The following ITGB7 variants were observed in gnomAD, a reference collection of about 807,000 sequenced individuals.
ITGB7 encodes the protein integrin subunit beta 7.
Under a neutral mutation model 83.4 loss-of-function variants are expected in ITGB7, and 55 were observed. That is an observed-to-expected ratio of 0.66 (90% CI 0.53 to 0.83). The LOEUF (loss-of-function observed/expected upper bound fraction) is 0.83, where lower values mean the gene tolerates loss of function less well. Among genes scored for constraint, ITGB7 ranks in the 40% least tolerant of loss-of-function variants. The probability of loss-of-function intolerance (pLI) is 0.00; values close to 1 mark genes in which losing one functional copy is unlikely to be tolerated. For missense variants in ITGB7, 921 were observed against 1,046.7 expected (o/e 0.88, Z 1.66); for synonymous variants, 454 against 423.6 (o/e 1.07, Z -0.88).
chr12:53,191,710 G>A (rs1196429735), intron 15 of ITGB7, 74 bp from the exon 16 acceptor site: 11 of 1,531,750 alleles, frequency 7.2e-6, no homozygotes, highest in African/African-American at 1.4e-5. Flanking sequence ...TAAGAGGCCA[G>A]CCTTGAGCCG....
chr12:53,195,893 C>T lies in ITGB7; in HGVS notation c.975+148G>A, dbSNP rs567955502. 1,414 of 1,028,152 alleles carry T rather than the reference C, an allele frequency of 1.4e-3. 2 individuals are homozygous for T. The highest frequency in any genetic ancestry group is 1.8e-3 in the Non-Finnish European group (1,226 of 686,364). The allele number at this position is 1,028,152 out of a possible 1,614,324, so 63.7% of individuals were successfully genotyped here. On this transcript the variant is annotated intron_variant, in intron 7 of 15. Coordinates refer to ENST00000267082, the MANE Select transcript of ITGB7 (RefSeq NM_000889.3). ...ATGGGGTGACAAAGGTGTCCTGTCT[C>T]GGCAGCTGAAAGGAGGAACTGCTGG...
Position 53,197,503 on chromosome 12 carries a change from A to G in ITGB7, c.564T>C (p.Ser188=). Residue 188 remains serine, a synonymous_variant, in exon 5 of 16, where the codon TCT becomes TCC. Transcript: ENST00000267082. ...LLVRLQEVTH[S]VRIGFGSFVD... is the part of the protein sequence containing the mutation. ...CAGCGCTCGGCTCACCAATGCGCAC[A>G]GAATGGGTGACTTCCTGCAGCCGGA... 2 of 1,614,198 alleles carry G rather than the reference A, an allele frequency of 1.2e-6. No individual in the cohort carries two copies. The highest frequency in any genetic ancestry group is 1.7e-6 in the Non-Finnish European group (2 of 1,180,016).
Position 53,193,795 on chromosome 12 carries a change from G to A in ITGB7, c.1415C>T (p.Thr472Met), listed in dbSNP as rs771418109. ...GTCACTGCAATTACAGTCACACAGC[G>A]TGTGCAACTCCACAATCAGCTCCTC... Reference protein sequence around the residue: ...FSEELIVELHTLCDCNCSDTQ... With the variant: ...FSEELIVELHMLCDCNCSDTQ... Residue 472 changes from threonine (T) to methionine (M), a missense_variant, in exon 11 of 16, where the codon ACG (threonine) becomes ATG (methionine). By Grantham distance (81) the Thr-to-Met change is moderately conservative (BLOSUM62 -1). Transcript: ENST00000267082. The A allele has an allele frequency of 9.9e-6, 16 of 1,613,954 alleles. No homozygotes were observed. The highest frequency in any genetic ancestry group is 1.7e-5 in the Admixed American group (1 of 59,992).
In ITGB7 at chr12:53,197,931, C is replaced by T. The variant is rs1219702440; in HGVS notation, c.222G>A (p.Glu74=). 14 of 1,542,642 alleles carry T rather than the reference C, an allele frequency of 9.1e-6. No homozygotes were observed. Among genetic ancestry groups the T allele is most frequent in the East Asian group, 2.4e-5 (1 of 41,228 alleles). ...CKQLNFTASG[E]AEARRCARRE... ...GTCGGGCGCAGCGCCGCGCCTCCGC[C>T]TCTCCCGACGCGGTGAAGTTCTGCT... is the stretch of plus-strand genomic sequence containing the variant. Residue 74 remains glutamate (E), a synonymous_variant, in exon 4 of 16, where the codon GAG becomes GAA. Transcript: ENST00000267082.
intron 9 of ITGB7, chr12:53,194,969 C>T (rs776367387): frequency 1.0e-5 from 2 of 199,220 alleles, no homozygotes; most frequent in South Asian, 1.0e-4. Flanking sequence ...TGTTTGTTAT[C>T]TTTGTGACCT....
chr12:53,195,067 T>G, intron 9 of ITGB7: 1 of 334,944 alleles, frequency 3.0e-6, no homozygotes, highest in Non-Finnish European at 5.6e-6. Flanking sequence ...TTTGGCAGGG[T>G]TAAATGAAGT....
rs1395373079 is a variant in ITGB7, at chr12:53,197,311, C to T, written c.574+182G>A. 44 of 703,986 alleles carry T rather than the reference C, an allele frequency of 6.3e-5. No homozygotes were observed. The East Asian group carries it at 1.2e-3, about 19-fold the overall frequency. 43.6% of individuals were successfully genotyped at this position (703,986 alleles called of 1,614,324 possible). ...AACGGATAGTCTCTTGAGTCCTCTC[C>T]AGCTCTGACCTAGAAGATGGGTGTC... On this transcript the variant is annotated intron_variant, in intron 5 of 15. Transcript: ENST00000267082.
chr12:53,193,523 T>C, intron 11 of ITGB7, 160 bp from the exon 12 acceptor site: 1 of 727,724 alleles, frequency 1.4e-6, no homozygotes, highest in South Asian at 2.0e-5. Context: ...GGTGAGAGAG[T>C]GGAGGGAGCC....
chr12:53,198,006 C>A, intron 3 of ITGB7, 55 bp from the exon 4 acceptor site: 5 of 1,454,398 alleles, frequency 3.4e-6, no homozygotes, highest in Non-Finnish European at 3.7e-6. Context: ...CCCTGGGCCC[C>A]GCTCCCAAAA....
At chr12:53,204,301 A>G (rs1942384693) in intron 1 of ITGB7, among the ~76,000 whole-genome samples, 1 of 151,248 alleles carries the variant, frequency 6.6e-6, no homozygotes, top group Admixed American at 6.6e-5. Context: ...AATCGCTTGA[A>G]CCCAGGAGGC....
chr12:53,192,815 G>C lies in ITGB7; in HGVS notation c.1822C>G (p.Pro608Ala). 6.2e-7 allele frequency: 1 copy of C among 1,614,232 alleles called. No homozygotes were observed. Among genetic ancestry groups the C allele is most frequent in the Non-Finnish European group, 8.5e-7 (1 of 1,180,052 alleles). ...CSGDMDSCIS[P>A]EGGLCSGHGR... The stretch of plus-strand genomic sequence containing the variant: ...TGCCCACTGCAGAGCCCTCCCTCGG[G>C]ACTGATGCAACTGTCCATGTCCCCA... The change falls in exon 13 of 16, where the codon CCC (proline) becomes GCC (alanine). Residue 608 changes from proline to alanine, a missense_variant. By Grantham distance (27) the Pro-to-Ala change is conservative (BLOSUM62 -1). Transcript: ENST00000267082.
chr12:53,191,876 G>A lies in ITGB7; in HGVS notation c.2299C>T (p.Gln767Ter). The A allele has an allele frequency of 6.2e-7, 1 of 1,613,484 alleles. No individual in the cohort carries two copies. The highest frequency in any genetic ancestry group is 1.7e-5 in the Admixed American group (1 of 60,014). Residue 767 changes from glutamine to a stop codon, truncating the protein, a stop_gained, in exon 15 of 16, where the codon CAA becomes TAA. Transcript: ENST00000267082. LOFTEE classifies it high-confidence loss of function. ...EYSRFEKEQQ[Q>*]LNWKQDSNPL... ...CTCCTCACCTGCTTCCAGTTGAGTT[G>A]TTGCTGCTCCTTCTCAAAGCGACTG...
At chr12:53,202,327 G>A (rs1358041743) in intron 1 of ITGB7, among the ~76,000 whole-genome samples, 1 of 152,118 alleles carries the variant, frequency 6.6e-6, no homozygotes, top group Non-Finnish European at 1.5e-5. Flanking sequence ...CCACTGCCCT[G>A]CAGCCTGGAC....
chr12:53,198,241 T>C (rs1006411235), intron 3 of ITGB7, among the ~76,000 whole-genome samples: 1 of 152,196 alleles, frequency 6.6e-6, no homozygotes, highest in East Asian at 1.9e-4. Context: ...GTGATTCTCG[T>C]ACCTCAGCCT....
chr12:53,192,593 T>C, intron 13 of ITGB7, 55 bp from the exon 14 acceptor site: 2 of 1,596,418 alleles, frequency 1.3e-6, no homozygotes, highest in African/African-American at 1.3e-5. Flanking sequence ...CCAATGCCCC[T>C]TGCCCAACTA....
rs755903495 is a variant in ITGB7, at chr12:53,197,544, C to A, written c.523G>T (p.Gly175Trp). ...KDDLERVRQL[G>W]HALLVRLQEV... ...TGCAGCCGGACCAGCAGAGCGTGCC[C>A]GAGCTGGCGCACGCGTTCCAGGTCG... The change falls in exon 5 of 16, where the codon GGG becomes TGG. Residue 175 changes from glycine (G) to tryptophan (W), a missense_variant. Coordinates refer to ENST00000267082, the MANE Select transcript of ITGB7 (RefSeq NM_000889.3). 3 of 1,614,068 alleles carry A rather than the reference C, an allele frequency of 1.9e-6. No individual in the cohort carries two copies. Among genetic ancestry groups the A allele is most frequent in the Non-Finnish European group, 2.5e-6 (3 of 1,180,018 alleles).
chr12:53,194,199 G>A lies in ITGB7; in HGVS notation c.1307C>T (p.Thr436Met), dbSNP rs1455617699. ...GQCNHVRINQ[T>M]VTFWVSLQAT... ...CTGCCTGTGCTTGCTGGCTCTCACC[G>A]TCTGGTTGATTCGGACGTGGTTGCA... The change falls in exon 10 of 16, where the codon ACG becomes ATG. Residue 436 changes from threonine to methionine, a missense_variant and splice_region_variant. Coordinates refer to ENST00000267082, the MANE Select transcript of ITGB7 (RefSeq NM_000889.3). 9.9e-6 allele frequency: 16 copies of A among 1,613,814 alleles called. No individual in the cohort carries two copies. The highest frequency in any genetic ancestry group is 4.5e-5 in the East Asian group (2 of 44,884).
rs182971155 is a variant in ITGB7, at chr12:53,193,461, T to C, written c.1503-98A>G. 2.1e-4 allele frequency: 190 copies of C among 909,524 alleles called. 1 individual carries two copies. The African/African-American group carries it at 2.2e-3, about 10-fold the overall frequency. 56.3% of individuals were successfully genotyped at this position (909,524 alleles called of 1,614,324 possible). A position where few individuals can be genotyped will look rare whatever the true frequency, so the allele number is the denominator to read the frequency against. On this transcript the variant is annotated intron_variant, in intron 11 of 15. Transcript: ENST00000267082. ...CTCTAAACCCAAGTTCTCAAAAGAG[T>C]TGGAGACAGACAAACAGCTGAAAGG...
In ITGB7 at chr12:53,193,149, G is replaced by T. The variant is rs1238225561; in HGVS notation, c.1717C>A (p.Leu573Ile). The change falls in exon 12 of 16, where the codon CTC becomes ATC. Residue 573 changes from leucine to isoleucine, a missense_variant. Leu to Ile is a conservative substitution (Grantham distance 5). Coordinates refer to ENST00000267082, the MANE Select transcript of ITGB7 (RefSeq NM_000889.3). The stretch of plus-strand genomic sequence containing the variant: ...CCAAGGCTCCAGGTACCTCCGCAGA[G>T]GATGCCCTCATGTCGCTCACAGCTG... ...DASCERHEGI[L>I]CGGFGRCQCG... The T allele has an allele frequency of 6.2e-7, 1 of 1,609,746 alleles. No homozygotes were observed. The highest frequency in any genetic ancestry group is 8.5e-7 in the Non-Finnish European group (1 of 1,176,680).
Sources: allele counts gnomAD v4.1 joint callset (sites outside exome capture counted in the v4.1 genomes callset), GRCh38; gene constraint gnomAD v4.1.1; transcripts MANE v1.5; gene names NCBI Gene and HGNC (gene_info 2026-07-23, HGNC 2026-07-21).